Variants in IGFBPL1 observed in about 807,000 individuals in gnomAD.
The protein encoded by IGFBPL1 is insulin like growth factor binding protein like 1.
Under a neutral mutation model 23.9 loss-of-function variants are expected in IGFBPL1, and 20 were observed. That is an observed-to-expected ratio of 0.84 (90% CI 0.59 to 1.22). IGFBPL1 has a LOEUF of 1.22. Among genes scored for constraint, IGFBPL1 ranks in the 50% most tolerant of loss-of-function variants. IGFBPL1 has a pLI of 0.00. For missense variants in IGFBPL1, 436 were observed against 379.3 expected (o/e 1.15, Z -1.24); for synonymous variants, 184 against 171.8 (o/e 1.07, Z -0.56).
intron 1 of IGFBPL1, among the ~76,000 whole-genome samples, chr9:38,422,953 G>A (rs1246410665): frequency 6.6e-6 from 1 of 152,096 alleles, no homozygotes; most frequent in Admixed American, 6.6e-5. Context: ...CTTGGTCTCT[G>A]GGCTCAGGCC....
intron 1 of IGFBPL1, among the ~76,000 whole-genome samples, chr9:38,420,676 C>CA (rs1174201008): frequency 3.3e-5 from 5 of 152,086 alleles, no homozygotes; most frequent in Non-Finnish European, 7.4e-5. Flanking sequence ...ACTAAAAGTA[C>CA]AAAAAACAAA....
chr9:38,420,145 C>T (rs1437343790), intron 1 of IGFBPL1, among the ~76,000 whole-genome samples: 1 of 152,210 alleles, frequency 6.6e-6, no homozygotes, highest in Non-Finnish European at 1.5e-5. Context: ...TCCACCTCAG[C>T]CTCCCAAAGT....
chr9:38,416,869 A>C (rs549908176), intron 1 of IGFBPL1, among the ~76,000 whole-genome samples: 1 of 151,526 alleles, frequency 6.6e-6, no homozygotes, highest in East Asian at 1.9e-4. Flanking sequence ...TTTTGTAGAG[A>C]TGGGTCTTGC....
intron 1 of IGFBPL1, among the ~76,000 whole-genome samples, chr9:38,422,170 G>C (rs1012420482): frequency 3.3e-5 from 5 of 152,230 alleles, no homozygotes; most frequent in African/African-American, 1.2e-4. Flanking sequence ...AAAGAGCACT[G>C]GACAGGGTGT....
chr9:38,410,351 C>G (rs369351283), intron 4 of IGFBPL1, among the ~76,000 whole-genome samples: 4 of 151,974 alleles, frequency 2.6e-5, no homozygotes, highest in African/African-American at 4.8e-5. Flanking sequence ...GGTGTGGTGG[C>G]GGGTGCCTGT....
At chr9:38,412,052 AAG>A (rs1821520691) in intron 3 of IGFBPL1, among the ~76,000 whole-genome samples, 2 of 152,132 alleles carry the variant, frequency 1.3e-5, no homozygotes, top group African/African-American at 4.8e-5. Context: ...CTGGGTGGAG[AAG>A]AGTCACCAAG....
rs1821466090 is a variant in IGFBPL1, at chr9:38,408,600, GT to G, written c.*626del. Among the ~76,000 whole-genome samples, 1 of 152,162 alleles carries G rather than the reference GT, an allele frequency of 6.6e-6. No homozygotes were observed. The highest frequency in any genetic ancestry group is 1.5e-5 in the Non-Finnish European group (1 of 68,038). On this transcript the variant is annotated 3_prime_UTR_variant, in exon 5 of 5. Coordinates refer to ENST00000377694, the MANE Select transcript of IGFBPL1 (RefSeq NM_001007563.3). ...TACAGCCAGCTGTCCACACGTTGGGGTAAAGCAATGGAATTTGTTTCTGAGG... is the reference window on the plus strand; with the variant it reads ...TACAGCCAGCTGTCCACACGTTGGGGAAAGCAATGGAATTTGTTTCTGAGG...
chr9:38,411,921 G>C (rs1407940513), intron 3 of IGFBPL1, among the ~76,000 whole-genome samples: 1 of 152,140 alleles, frequency 6.6e-6, no homozygotes, highest in Non-Finnish European at 1.5e-5. Context: ...TCCCTATAGG[G>C]GCAGCCTCTA....
chr9:38,419,034 G>T (rs1177886603), intron 1 of IGFBPL1, among the ~76,000 whole-genome samples: 1 of 152,102 alleles, frequency 6.6e-6, no homozygotes, highest in South Asian at 2.1e-4. Flanking sequence ...TATTAACTGT[G>T]TGGATCTGTA....
chr9:38,418,047 T>TA (rs1350950920), intron 1 of IGFBPL1, among the ~76,000 whole-genome samples: 1 of 152,222 alleles, frequency 6.6e-6, no homozygotes, highest in African/African-American at 2.4e-5. Context: ...CCTGCCGTGT[T>TA]AGCTGTTTTC....
chr9:38,423,394 C>A (rs145171154), intron 1 of IGFBPL1, among the ~76,000 whole-genome samples: 3 of 152,112 alleles, frequency 2.0e-5, no homozygotes, highest in Non-Finnish European at 4.4e-5. Context: ...TCAGACCTTA[C>A]GTCTCCAAAG....
chr9:38,419,875 TCC>T (rs1381470398), intron 1 of IGFBPL1, among the ~76,000 whole-genome samples: 6 of 121,766 alleles, frequency 4.9e-5, no homozygotes, highest in African/African-American at 1.7e-4. Flanking sequence ...CTCCTCCTCC[TCC>T]TCCTCCTCCT....
intron 4 of IGFBPL1, among the ~76,000 whole-genome samples, chr9:38,410,473 A>C (rs1245891800): frequency 3.9e-5 from 5 of 129,648 alleles, no homozygotes; most frequent in East Asian, 2.1e-4. Flanking sequence ...ACAGAGTGAG[A>C]CTCTGTCTCA....
intron 1 of IGFBPL1, among the ~76,000 whole-genome samples, chr9:38,414,849 C>G (rs1008176446): frequency 6.6e-6 from 1 of 152,136 alleles, no homozygotes. Context: ...CAGAACATGA[C>G]GGAGAGGAGA....
chr9:38,418,295 G>A (rs926820533), intron 1 of IGFBPL1, among the ~76,000 whole-genome samples: 2 of 152,164 alleles, frequency 1.3e-5, no homozygotes, highest in Non-Finnish European at 2.9e-5. Flanking sequence ...TCTCTGCCAC[G>A]TCCCAGTCTT....
At position 38,413,330 on chromosome 9, in the gene IGFBPL1, G is replaced by A; in HGVS notation, c.594C>T (p.Thr198=). 6.2e-7 allele frequency: 1 copy of A among 1,613,698 alleles called. No homozygotes were observed. Among genetic ancestry groups the A allele is most frequent in the East Asian group, 2.2e-5 (1 of 44,852 alleles). ...WRKVTKSPEG[T]QALEELPGDH... Reference sequence around the variant, plus strand: ...CCCCAGGCAGCTCCTCCAGTGCTTGGGTGCCCTCAGGGGACTTCGTGACCT... The same window carrying A: ...CCCCAGGCAGCTCCTCCAGTGCTTGAGTGCCCTCAGGGGACTTCGTGACCT... Residue 198 remains threonine (T), a synonymous_variant, in exon 3 of 5, where the codon ACC becomes ACT. Transcript: ENST00000377694.
At chr9:38,410,507 G>T (rs372586324) in intron 4 of IGFBPL1, among the ~76,000 whole-genome samples, 74 of 150,552 alleles carry the variant, frequency 4.9e-4, no homozygotes, top group Non-Finnish European at 9.5e-4. Flanking sequence ...AAAATGATTG[G>T]TCTGTAAATG....
At chr9:38,422,701 C>T (rs1030691268) in intron 1 of IGFBPL1, among the ~76,000 whole-genome samples, 7 of 152,230 alleles carry the variant, frequency 4.6e-5, no homozygotes, top group African/African-American at 1.4e-4. Context: ...CAGCTAGGAA[C>T]AGCCAATGGT....
At chr9:38,416,137 C>T (rs1161366615) in intron 1 of IGFBPL1, among the ~76,000 whole-genome samples, 1 of 152,190 alleles carries the variant, frequency 6.6e-6, no homozygotes, top group African/African-American at 2.4e-5. Flanking sequence ...GCTGGGATGC[C>T]GCCTCCAGGG....
Sources: allele counts gnomAD v4.1 joint callset (sites outside exome capture counted in the v4.1 genomes callset), GRCh38; gene constraint gnomAD v4.1.1; transcripts MANE v1.5; gene names NCBI Gene and HGNC (gene_info 2026-07-23, HGNC 2026-07-21).